Variants in EZR observed in about 807,000 individuals in gnomAD.
EZR encodes the protein cytovillin 2.
EZR carries 40 observed loss-of-function variants against 74.8 expected under a neutral mutation model. The observed-to-expected ratio is 0.53, with a 90% CI of 0.42 to 0.70. The LOEUF (loss-of-function observed/expected upper bound fraction) is 0.70. Among genes scored for constraint, EZR ranks in the 30% least tolerant of loss-of-function variants. The pLI is 0.00. For synonymous variants in EZR, 341 were observed against 283.3 expected (o/e 1.20, Z -2.05); for missense variants, 678 against 755.8 (o/e 0.90, Z 1.21).
At chr6:158,768,531 GGGAA>G (rs1583553280) in intron 12 of EZR, among the ~76,000 whole-genome samples, 1 of 152,190 alleles carries the variant, frequency 6.6e-6, no homozygotes, top group East Asian at 1.9e-4. Context: ...GCCACAGTGG[GGGAA>G]GGACGGGCCA....
chr6:158,789,249 T>G, intron 3 of EZR, 39 bp downstream of exon 3: 1 of 1,510,758 alleles, frequency 6.6e-7, no homozygotes, highest in Non-Finnish European at 9.1e-7. Flanking sequence ...AACAGTTTTT[T>G]TTTGTAGGTG....
intron 7 of EZR, among the ~76,000 whole-genome samples, chr6:158,781,053 A>AGATG: frequency 6.6e-6 from 1 of 152,138 alleles, no homozygotes; most frequent in Non-Finnish European, 1.5e-5. Flanking sequence ...TTAGAGCTCA[A>AGATG]TTTCCATATT....
intron 7 of EZR, among the ~76,000 whole-genome samples, chr6:158,777,225 A>G (rs769079205): frequency 3.3e-5 from 5 of 152,218 alleles, no homozygotes; most frequent in Admixed American, 6.5e-5. Context: ...TTGCCAAGAG[A>G]AACGGACAGA....
Position 158,765,998 on chromosome 6 carries a change from T to G in EZR, c.*916A>C, listed in dbSNP as rs976519235. ...AGTGGCATGTGTGAATCTGACAAAATTAAAAGTGTGCATAGTCCATTACAT... is the reference window on the plus strand; with the variant it reads ...AGTGGCATGTGTGAATCTGACAAAAGTAAAAGTGTGCATAGTCCATTACAT... On this transcript the variant is annotated 3_prime_UTR_variant, in exon 14 of 14. Transcript: ENST00000367075. 6 of 152,460 alleles carry G rather than the reference T, an allele frequency of 3.9e-5. No homozygotes were observed. The highest frequency in any genetic ancestry group is 1.5e-4 in the African/African-American group (6 of 41,336). The allele number at this position is 152,460 out of a possible 1,614,324, so 9.4% of individuals were successfully genotyped here. A position where few individuals can be genotyped will look rare whatever the true frequency, so the allele number is the denominator to read the frequency against.
chr6:158,804,722 C>A (rs1331824423), intron 2 of EZR, among the ~76,000 whole-genome samples: 1 of 151,838 alleles, frequency 6.6e-6, no homozygotes, highest in Non-Finnish European at 1.5e-5. Context: ...GTTGTCTCTG[C>A]AAATTTAGAA....
At chr6:158,774,835 G>A (rs1231029680) in intron 8 of EZR, among the ~76,000 whole-genome samples, 5 of 151,856 alleles carry the variant, frequency 3.3e-5, no homozygotes, top group African/African-American at 9.7e-5. Context: ...AGAGATTTCA[G>A]CATTTTCTTG....
rs74948375 is a variant in EZR at position 158,789,881 on chromosome 6, T to C, written c.13-510A>G. ...GCAAGCCTCCCATCTCAGCCTCCCATAGTGCTGAGATTATAGGCATGGGCC... is the reference window on the plus strand; with the variant it reads ...GCAAGCCTCCCATCTCAGCCTCCCACAGTGCTGAGATTATAGGCATGGGCC... On this transcript the variant is annotated intron_variant, in intron 2 of 13. Coordinates refer to ENST00000367075, the MANE Select transcript of EZR (RefSeq NM_001111077.2). 3.5e-3 allele frequency among the ~76,000 whole-genome samples: 530 copies of C among 152,352 alleles called. 1 individual carries two copies. The highest frequency in any genetic ancestry group is 4.1e-3 in the Non-Finnish European group (279 of 68,020).
chr6:158,786,810 G>A (rs528174201), intron 4 of EZR, among the ~76,000 whole-genome samples: 2 of 152,320 alleles, frequency 1.3e-5, no homozygotes, highest in East Asian at 3.9e-4. Context: ...CTTACAAGAT[G>A]GTGGATGATT....
At position 158,766,859 on chromosome 6, in the gene EZR, G is replaced by A. The variant is rs41267143; in HGVS notation, c.*55C>T. 3,847 of 1,540,310 alleles carry A rather than the reference G, an allele frequency of 2.5e-3. 5 individuals carry two copies. Among genetic ancestry groups the A allele is most frequent in the Non-Finnish European group, 3.1e-3 (3,480 of 1,123,880 alleles). ...GGAGCACTAAAGACACAAGCGTGGC[G>A]GGGCTGGCAGCGCCCGCTATGAGCA... On this transcript the variant is annotated 3_prime_UTR_variant, in exon 14 of 14. Coordinates refer to ENST00000367075, the MANE Select transcript of EZR (RefSeq NM_001111077.2).
chr6:158,805,402 A>G (rs1777316537), intron 2 of EZR, among the ~76,000 whole-genome samples: 1 of 151,796 alleles, frequency 6.6e-6, no homozygotes, highest in South Asian at 2.1e-4. Context: ...TTTAGAGGAC[A>G]TAAGACATAA....
intron 8 of EZR, among the ~76,000 whole-genome samples, chr6:158,773,515 G>A (rs367580829): frequency 1.4e-4 from 22 of 152,300 alleles, no homozygotes; most frequent in African/African-American, 5.1e-4. Flanking sequence ...TAAACTGGCC[G>A]AGGACCAGCA....
chr6:158,785,295 C>T lies in EZR; in HGVS notation c.467+14G>A. On this transcript the variant is annotated intron_variant, in intron 5 of 13. Transcript: ENST00000367075. ...ATGACTGCTCCTGCCCAGGCCGGGT[C>T]ATCCTGTGCTCACCTTTGAGGGATC... is the stretch of plus-strand genomic sequence containing the variant. 2 of 1,611,004 alleles carry T rather than the reference C, an allele frequency of 1.2e-6. No homozygotes were observed. The highest frequency in any genetic ancestry group is 2.2e-5 in the East Asian group (1 of 44,808).
In EZR at chr6:158,766,868, A is replaced by G. The variant is rs1004892293; in HGVS notation, c.*46T>C. The G allele has an allele frequency of 4.5e-6, 7 of 1,570,792 alleles. No homozygotes were observed. The African/African-American group carries it at 9.5e-5, about 21-fold the overall frequency. On this transcript the variant is annotated 3_prime_UTR_variant, in exon 14 of 14. Coordinates refer to ENST00000367075, the MANE Select transcript of EZR (RefSeq NM_001111077.2). ...AAGACACAAGCGTGGCGGGGCTGGC[A>G]GCGCCCGCTATGAGCACCCCTCTGC...
At position 158,768,826 on chromosome 6, in the gene EZR, GC is replaced by G. The variant is rs1323591457; in HGVS notation, c.1344+499del. On this transcript the variant is annotated intron_variant, in intron 12 of 13. Coordinates refer to ENST00000367075, the MANE Select transcript of EZR (RefSeq NM_001111077.2). ...GAGGCTTGAAGAAGTGATGCTACTA[GC>G]CCCCAAATAGCTGATGAGCAGCAGA... Among the ~76,000 whole-genome samples the G allele has an allele frequency of 4.6e-5, 7 of 152,164 alleles. No homozygotes were observed. In the East Asian group the frequency reaches 1.3e-3, roughly 29 times the overall value.
At chr6:158,786,384 C>T (rs1282123800) in intron 4 of EZR, among the ~76,000 whole-genome samples, 1 of 152,158 alleles carries the variant, frequency 6.6e-6, no homozygotes, top group Non-Finnish European at 1.5e-5. Flanking sequence ...AAAACAACAA[C>T]AACAAAAAAC....
chr6:158,807,769 C>G (rs760351637), intron 2 of EZR, among the ~76,000 whole-genome samples: 1 of 152,194 alleles, frequency 6.6e-6, no homozygotes, highest in Non-Finnish European at 1.5e-5. Context: ...ATATAAGCTT[C>G]TTGAAAGCAG....
intron 10 of EZR, among the ~76,000 whole-genome samples, chr6:158,770,265 GAAC>G (rs1791061044): frequency 6.6e-6 from 1 of 152,236 alleles, no homozygotes; most frequent in South Asian, 2.1e-4. Flanking sequence ...TCAGAACACA[GAAC>G]ACCCTTCCCA....
intron 8 of EZR, among the ~76,000 whole-genome samples, chr6:158,773,303 G>C (rs190467796): frequency 1.3e-5 from 2 of 152,306 alleles, no homozygotes. Context: ...ACCAGAATTT[G>C]GGGAGTCCAC....
chr6:158,816,552 T>C (rs551306017), intron 2 of EZR, among the ~76,000 whole-genome samples: 43 of 152,348 alleles, frequency 2.8e-4, no homozygotes, highest in African/African-American at 9.6e-4. Flanking sequence ...TAAGGGGTTG[T>C]ACTTAGGTCA....
Sources: allele counts gnomAD v4.1 joint callset (sites outside exome capture counted in the v4.1 genomes callset), GRCh38; gene constraint gnomAD v4.1.1; transcripts MANE v1.5; gene names NCBI Gene and HGNC (gene_info 2026-07-23, HGNC 2026-07-21).